The following TRIQK variants were observed in gnomAD, a reference collection of about 807,000 sequenced individuals.
TRIQK encodes triple QxxK/R motif containing, also known as triple QxxK/R motif-containing protein.
In TRIQK, 10 loss-of-function variants were observed where a neutral mutation model predicts 10.8. The ratio of observed to expected loss-of-function variants is 0.92; its 90% CI spans 0.57 to 1.57. TRIQK has a LOEUF of 1.57. TRIQK is among the 40% of genes most tolerant of loss of function. The probability of loss-of-function intolerance (pLI) is 0.00; values close to 1 mark genes in which losing one functional copy is unlikely to be tolerated. For missense variants in TRIQK, 107 were observed against 97.7 expected, an observed-to-expected ratio of 1.09 and a Z score of -0.40; for synonymous variants, 33 against 33.7, an observed-to-expected ratio of 0.98 and a Z score of 0.07.
At chr8:92,982,536 G>A (rs184105896) in intron 1 of TRIQK, among the ~76,000 whole-genome samples, 57 of 152,062 alleles carry the variant, frequency 3.7e-4, no homozygotes, top group African/African-American at 1.1e-3. Context: ...GAATGTCCAG[G>A]ATGAAGGAGA....
chr8:92,978,632 A>C (rs951802988), intron 1 of TRIQK, among the ~76,000 whole-genome samples: 9 of 152,104 alleles, frequency 5.9e-5, no homozygotes, highest in Non-Finnish European at 1.5e-5. Context: ...TTGAACTGCA[A>C]ACATTTGAAA....
chr8:92,951,540 GAA>G (rs1055790912), intron 2 of TRIQK, among the ~76,000 whole-genome samples: 14 of 152,056 alleles, frequency 9.2e-5, no homozygotes. Context: ...GGCTCAGGAT[GAA>G]AAAGTCTGAA....
At chr8:92,892,683 C>A (rs529443873) in intron 3 of TRIQK, among the ~76,000 whole-genome samples, 3 of 151,904 alleles carry the variant, frequency 2.0e-5, no homozygotes, top group African/African-American at 7.2e-5. Flanking sequence ...TATAGAATAG[C>A]TACATTTAGA....
At chr8:92,961,858 C>T (rs1812474693) in intron 1 of TRIQK, among the ~76,000 whole-genome samples, 1 of 152,166 alleles carries the variant, frequency 6.6e-6, no homozygotes, top group South Asian at 2.1e-4. Flanking sequence ...CTAGTTTATG[C>T]TGTTGTCATT....
At chr8:92,940,717 C>A (rs981592261) in intron 2 of TRIQK, among the ~76,000 whole-genome samples, 4 of 152,118 alleles carry the variant, frequency 2.6e-5, no homozygotes, top group African/African-American at 9.7e-5. Flanking sequence ...ATGGACAGAT[C>A]ATGCAGACAG....
In TRIQK at chr8:92,962,695, C is replaced by G. The variant is rs184655816; in HGVS notation, c.-181+3312G>C. Among the ~76,000 whole-genome samples, 555 of 152,230 alleles carry G rather than the reference C, an allele frequency of 3.6e-3. 5 individuals are homozygous for G. Among genetic ancestry groups the G allele is most frequent in the South Asian group, 0.022 (104 of 4,822 alleles). ...TTCTTCACAGCTTACCAAAAAGAGACGTATCTGACCGGTTCACATTACTCC... is the reference window on the plus strand; with the variant it reads ...TTCTTCACAGCTTACCAAAAAGAGAGGTATCTGACCGGTTCACATTACTCC... On this transcript the variant is annotated intron_variant, in intron 1 of 4. Transcript: ENST00000521988.
chr8:93,006,668 G>A (rs1813275948), intron 1 of TRIQK, among the ~76,000 whole-genome samples: 1 of 152,200 alleles, frequency 6.6e-6, no homozygotes, highest in South Asian at 2.1e-4. Context: ...TCCCCTGTCA[G>A]TGCTGGGGAG....
chr8:92,908,887 C>T (rs2130400009), intron 3 of TRIQK, among the ~76,000 whole-genome samples: 1 of 152,068 alleles, frequency 6.6e-6, no homozygotes, highest in East Asian at 1.9e-4. Flanking sequence ...ATATTTCCTT[C>T]AACATTTTTA....
chr8:93,004,243 C>A (rs1483652894), intron 1 of TRIQK, among the ~76,000 whole-genome samples: 2 of 152,220 alleles, frequency 1.3e-5, no homozygotes, highest in African/African-American at 4.8e-5. Flanking sequence ...TCCCACACCT[C>A]AGCTCCTGCC....
At chr8:92,976,259 C>G (rs577600741) in intron 1 of TRIQK, among the ~76,000 whole-genome samples, 3 of 152,032 alleles carry the variant, frequency 2.0e-5, no homozygotes, top group African/African-American at 7.2e-5. Flanking sequence ...GTTTAACTCT[C>G]CTACTATAAT....
chr8:92,901,386 A>AACG (rs1808929535), intron 3 of TRIQK, among the ~76,000 whole-genome samples: 4 of 152,132 alleles, frequency 2.6e-5, no homozygotes, highest in Admixed American at 2.6e-4. Context: ...TGGGTCTGTC[A>AACG]TATATGGCTT....
At chr8:92,961,428 C>G (rs1209639656) in intron 1 of TRIQK, among the ~76,000 whole-genome samples, 1 of 152,052 alleles carries the variant, frequency 6.6e-6, no homozygotes, top group Non-Finnish European at 1.5e-5. Flanking sequence ...GTACTATATA[C>G]TGAGTCACTG....
intron 3 of TRIQK, among the ~76,000 whole-genome samples, chr8:92,895,923 T>C (rs1808567995): frequency 6.7e-6 from 1 of 150,160 alleles, no homozygotes; most frequent in Non-Finnish European, 1.5e-5. Flanking sequence ...ATGTAAAGAA[T>C]AAAAAAAAAG....
chr8:92,904,466 T>C (rs1420222996), intron 3 of TRIQK, among the ~76,000 whole-genome samples: 2 of 152,180 alleles, frequency 1.3e-5, no homozygotes, highest in Non-Finnish European at 1.5e-5. Context: ...TGATTAATTA[T>C]ATCATGGAAA....
intron 2 of TRIQK, 115 bp from the exon 3 acceptor site, chr8:92,917,125 T>C: frequency 4.4e-6 from 2 of 452,390 alleles, no homozygotes; most frequent in South Asian, 1.5e-4. Flanking sequence ...ATACTTTGAC[T>C]TATTTCCATT....
chr8:92,960,855 T>C (rs1390719372), intron 1 of TRIQK: 1 of 152,214 alleles, frequency 6.6e-6, no homozygotes, highest in Non-Finnish European at 1.5e-5. Context: ...ACTAAATTTG[T>C]GTTATTTTAA....
At chr8:92,945,612 T>C (rs1811489737) in intron 2 of TRIQK, among the ~76,000 whole-genome samples, 1 of 152,220 alleles carries the variant, frequency 6.6e-6, no homozygotes. Context: ...CTCGTGCAGC[T>C]GTGGACAGCT....
At chr8:92,948,275 T>C (rs1184803978) in intron 2 of TRIQK, among the ~76,000 whole-genome samples, 1 of 152,194 alleles carries the variant, frequency 6.6e-6, no homozygotes, top group East Asian at 1.9e-4. Flanking sequence ...GCTCTACAAA[T>C]GGCAAATGAC....
At chr8:92,895,258 A>T (rs1808533316) in intron 3 of TRIQK, among the ~76,000 whole-genome samples, 1 of 152,204 alleles carries the variant, frequency 6.6e-6, no homozygotes, top group Non-Finnish European at 1.5e-5. Flanking sequence ...CACAATCATA[A>T]GAAATAAATA....
Sources: allele counts gnomAD v4.1 joint callset (sites outside exome capture counted in the v4.1 genomes callset), GRCh38; gene constraint gnomAD v4.1.1; transcripts MANE v1.5; gene names NCBI Gene and HGNC (gene_info 2026-07-23, HGNC 2026-07-21).